EVC: variants seen among roughly 807,000 people sequenced by gnomAD.
EVC encodes EvC ciliary complex subunit 1.
Under a neutral mutation model 118.9 loss-of-function variants are expected in EVC, and 116 were observed. The observed-to-expected ratio is 0.98, with a 90% CI of 0.84 to 1.14. EVC has a LOEUF of 1.14. Among genes scored for constraint, EVC ranks in the 50% most tolerant of loss-of-function variants. The probability of loss-of-function intolerance (pLI) is 0.00; values close to 1 mark genes in which losing one functional copy is unlikely to be tolerated. For synonymous variants in EVC, 619 were observed against 534.7 expected (o/e 1.16, Z -2.18); for missense variants, 1,401 against 1,246.4 (o/e 1.12, Z -1.87).
At chr4:5,767,880 G>A (rs1022443488) in intron 11 of EVC, among the ~76,000 whole-genome samples, 7 of 152,290 alleles carry the variant, frequency 4.6e-5, no homozygotes, top group South Asian at 2.1e-4. Flanking sequence ...CTCACGCTGG[G>A]AGCTGTAGAC....
intron 5 of EVC, among the ~76,000 whole-genome samples, chr4:5,740,453 A>T (rs550900344): frequency 8.0e-5 from 12 of 149,198 alleles, no homozygotes; most frequent in Non-Finnish European, 1.3e-4. Context: ...CCTGGACGAC[A>T]GACTGATACT....
intron 17 of EVC, among the ~76,000 whole-genome samples, chr4:5,805,891 CTTTTTTTT>C (rs4045512): frequency 1.6e-5 from 2 of 123,950 alleles, no homozygotes; most frequent in South Asian, 2.6e-4. Flanking sequence ...AGTTTCTTTT[CTTTTTTTT>C]TTTTTTTTTT....
In EVC at chr4:5,754,411, C is replaced by G. The variant is rs530219466; in HGVS notation, c.1464+478C>G. Among the ~76,000 whole-genome samples the G allele has an allele frequency of 6.6e-6, 1 of 152,050 alleles. No individual in the cohort carries two copies. Among genetic ancestry groups the G allele is most frequent in the Non-Finnish European group, 1.5e-5 (1 of 67,998 alleles). On this transcript the variant is annotated intron_variant, in intron 10 of 20. Coordinates refer to ENST00000264956, the MANE Select transcript of EVC (RefSeq NM_153717.3). The surrounding 1 kb of genome is among the most constrained non-coding windows in gnomAD (Gnocchi z 5.8). ...GTCAGGGCCAGGAGGTGGCCAAGGT[C>G]AGAGGTACCCTTGGTCTTGCCTGAG...
chr4:5,825,790 A>G, the EVC span: 2 of 780,742 alleles, frequency 2.6e-6, no homozygotes, highest in South Asian at 3.7e-5. The surrounding 1 kb of genome is among the most constrained non-coding windows in gnomAD (Gnocchi z 4.4). Context: ...ACACACACAC[A>G]ACACGCACAC....
chr4:5,711,799 A>G (rs1236048107), intron 1 of EVC, among the ~76,000 whole-genome samples: 1 of 152,202 alleles, frequency 6.6e-6, no homozygotes, highest in African/African-American at 2.4e-5. Context: ...CCTTGACAGC[A>G]GCCCAACTGC....
chr4:5,773,379 A>G (rs13106248), intron 11 of EVC, among the ~76,000 whole-genome samples: 1,779 of 152,052 alleles, frequency 0.012, 25 homozygotes, highest in Non-Finnish European at 0.015. Flanking sequence ...TGTCCCTCCC[A>G]TCTTCCCCCT....
chr4:5,730,152 G>T (rs903553087), intron 3 of EVC, among the ~76,000 whole-genome samples: 14 of 152,280 alleles, frequency 9.2e-5, no homozygotes, highest in African/African-American at 3.4e-4. Context: ...CTGTTTATCT[G>T]TCAAATGGGG....
At chr4:5,808,174 C>T in intron 17 of EVC, 27 bp from the exon 18 acceptor site, 1 of 1,372,858 alleles carries the variant, frequency 7.3e-7, no homozygotes, top group African/African-American at 1.5e-5. Context: ...TTCCTCCCTG[C>T]CAGCCTGCCT....
the EVC span, chr4:5,828,735 C>T: frequency 1.9e-5 from 29 of 1,544,174 alleles, no homozygotes; most frequent in Non-Finnish European, 2.4e-5. Context: ...TTCATAACAG[C>T]GATTTTGCCT....
At chr4:5,776,737 A>G (rs138553249) in intron 11 of EVC, among the ~76,000 whole-genome samples, 33 of 152,006 alleles carry the variant, frequency 2.2e-4, no homozygotes, top group East Asian at 1.2e-3. Flanking sequence ...CTTCTGATCT[A>G]TTTTCCAGTG....
Position 5,711,443 on chromosome 4 carries a change from G to C in EVC, c.63G>C (p.Leu21=). ...DARLLLGRDA[L]RPAPALLAPA... is the part of the protein sequence containing the mutation. ...GGCTGCTGCTGGGGCGGGACGCGCTGCGGCCGGCGCCCGCCCTGCTGGCCC... is the reference window on the plus strand; with the variant it reads ...GGCTGCTGCTGGGGCGGGACGCGCTCCGGCCGGCGCCCGCCCTGCTGGCCC... The change falls in exon 1 of 21, where the codon CTG becomes CTC. Residue 21 remains leucine (L), a synonymous_variant. Transcript: ENST00000264956. The C allele has an allele frequency of 9.8e-7, 1 of 1,024,292 alleles. No homozygotes were observed. The highest frequency in any genetic ancestry group is 1.2e-6 in the Non-Finnish European group (1 of 858,434). 63.5% of individuals were successfully genotyped at this position (1,024,292 alleles called of 1,614,324 possible).
At chr4:5,733,292 T>C in intron 4 of EVC, 59 bp from the exon 5 acceptor site, 1 of 1,422,844 alleles carries the variant, frequency 7.0e-7, no homozygotes, top group Non-Finnish European at 9.9e-7. Context: ...GTGCCAATAT[T>C]CTTACTCTTC....
intron 5 of EVC, among the ~76,000 whole-genome samples, chr4:5,736,572 C>A (rs891578224): frequency 1.3e-5 from 2 of 149,770 alleles, no homozygotes; most frequent in Non-Finnish European, 3.0e-5. Flanking sequence ...AGTCTGTTGG[C>A]TCCATTTTTC....
At position 5,743,171 on chromosome 4, in the gene EVC, A is replaced by T. The variant is rs1430092851; in HGVS notation, c.801+1357A>T. 6.6e-6 allele frequency among the ~76,000 whole-genome samples: 1 copy of T among 152,120 alleles called. No homozygotes were observed. Among genetic ancestry groups the T allele is most frequent in the East Asian group, 1.9e-4 (1 of 5,186 alleles). On this transcript the variant is annotated intron_variant, in intron 6 of 20. Transcript: ENST00000264956. This position sits in a 1 kb window ranked among gnomAD's most constrained non-coding sequence, Gnocchi z 4.7. ...GTGCTGGTGGGAGTGTCTTATGCTA[A>T]TGAGCAATGAGGGCAGCAAGGGATC...
intron 12 of EVC, among the ~76,000 whole-genome samples, chr4:5,793,135 A>G (rs1376899547): frequency 6.6e-6 from 1 of 152,194 alleles, no homozygotes; most frequent in African/African-American, 2.4e-5. Context: ...CGCTGCATTG[A>G]TATTTAATTG....
At chr4:5,767,865 C>A (rs982313729) in intron 11 of EVC, among the ~76,000 whole-genome samples, 1 of 152,192 alleles carries the variant, frequency 6.6e-6, no homozygotes, top group African/African-American at 2.4e-5. Context: ...CCATCTTCTG[C>A]GTCGCTCACG....
the EVC span, chr4:5,828,124 C>A: frequency 2.0e-6 from 2 of 985,412 alleles, no homozygotes; most frequent in South Asian, 9.4e-5. Context: ...CTAAGCCCTT[C>A]ACTGCTCTGG....
chr4:5,729,721 A>G (rs1726481691), intron 3 of EVC, among the ~76,000 whole-genome samples: 1 of 152,186 alleles, frequency 6.6e-6, no homozygotes, highest in Non-Finnish European at 1.5e-5. Flanking sequence ...TGGACTAATA[A>G]TGCCAGCAGC....
At chr4:5,766,200 ATTCTT>A (rs1489769592) in intron 11 of EVC, among the ~76,000 whole-genome samples, 1 of 151,352 alleles carries the variant, frequency 6.6e-6, no homozygotes, top group Non-Finnish European at 1.5e-5. Flanking sequence ...TGGGTTGAAA[ATTCTT>A]TTCTTTAAGA....
Sources: gnomAD v4.1 joint callset for allele counts (sites outside exome capture counted in the v4.1 genomes callset) on GRCh38, gnomAD v4.1.1 for gene constraint, Gnocchi (gnomAD v3.1) non-coding constraint, MANE v1.5 for transcripts, NCBI Gene and HGNC (gene_info 2026-07-23, HGNC 2026-07-21) for gene names.